MORC3: variants seen among roughly 807,000 people sequenced by gnomAD.
MORC3 encodes MORC family CW-type zinc finger 3.
Under a neutral mutation model 109.1 loss-of-function variants are expected in MORC3, and 31 were observed. That is an observed-to-expected ratio of 0.28 (90% confidence interval 0.21 to 0.38). The LOEUF is 0.38. Ranked by LOEUF, MORC3 falls within the 10% of genes least tolerant of loss-of-function variation. MORC3 has a pLI of 1.00. For synonymous variants in MORC3, 395 were observed against 380.7 expected (o/e 1.04, Z -0.44); for missense variants, 867 against 1,135.8 (o/e 0.76, Z 3.40).
chr21:36,359,033 A>G (rs1207132277), intron 10 of MORC3, among the ~76,000 whole-genome samples: 1 of 152,136 alleles, frequency 6.6e-6, no homozygotes, highest in African/African-American at 2.4e-5. Flanking sequence ...AAGTATACTA[A>G]TTTTAGTTAT....
At chr21:36,329,544 C>G (rs1646898774) in intron 1 of MORC3, among the ~76,000 whole-genome samples, 1 of 152,154 alleles carries the variant, frequency 6.6e-6, no homozygotes, top group Admixed American at 6.5e-5. Context: ...TGACTAATTT[C>G]TCCTTGTTTG....
At chr21:36,362,292 C>T (rs2085727616) in intron 13 of MORC3, 64 bp downstream of exon 13, 1 of 1,530,060 alleles carries the variant, frequency 6.5e-7, no homozygotes, top group Non-Finnish European at 8.8e-7. Context: ...CCCGTAATCC[C>T]AGCATTTTGG....
chr21:36,365,035 G>A (rs1396845164), intron 14 of MORC3, among the ~76,000 whole-genome samples: 1 of 134,170 alleles, frequency 7.5e-6, no homozygotes, highest in Admixed American at 8.3e-5. Context: ...CTGGGTGACA[G>A]AGCGAGACTC....
chr21:36,341,358 T>C (rs2085443480), intron 5 of MORC3, 41 bp from the exon 6 acceptor site: 1 of 1,562,454 alleles, frequency 6.4e-7, no homozygotes, highest in South Asian at 1.2e-5. Flanking sequence ...TATCTTGCTG[T>C]GAAGTTAAAT....
At chr21:36,354,548 C>A (rs2085623532) in intron 9 of MORC3, among the ~76,000 whole-genome samples, 1 of 152,050 alleles carries the variant, frequency 6.6e-6, no homozygotes, top group African/African-American at 2.4e-5. Context: ...TGTGATCCGC[C>A]CGCCTCTGTC....
chr21:36,370,635 ATATATTTTTTTTTTTTTTTTTT>A (rs1220457964), intron 15 of MORC3, among the ~76,000 whole-genome samples: 9 of 42,006 alleles, frequency 2.1e-4, no homozygotes, highest in African/African-American at 7.2e-4. Context: ...ATATATATAT[ATATATTTTTTTTTTTTTTTTTT>A]TTTTTTTTTT....
intron 12 of MORC3, chr21:36,361,976 T>C (rs2085722249): frequency 3.2e-6 from 2 of 618,338 alleles, no homozygotes; most frequent in Admixed American, 6.0e-5. Flanking sequence ...AGATCTGCAG[T>C]TTATACCGGT....
chr21:36,371,706 A>G (rs1159807800), intron 15 of MORC3, among the ~76,000 whole-genome samples: 1 of 152,110 alleles, frequency 6.6e-6, no homozygotes, highest in Non-Finnish European at 1.5e-5. Context: ...GCATAAACTC[A>G]TTATTGTAAC....
chr21:36,368,738 G>A (rs1049535820), intron 14 of MORC3, among the ~76,000 whole-genome samples: 5 of 152,130 alleles, frequency 3.3e-5, no homozygotes, highest in African/African-American at 9.7e-5. Context: ...TTAGCTGGAC[G>A]TGGTGGCGGG....
chr21:36,343,477 CTCACT>C (rs1304880410), intron 6 of MORC3, among the ~76,000 whole-genome samples: 23 of 136,412 alleles, frequency 1.7e-4, no homozygotes, highest in Admixed American at 1.3e-3. Flanking sequence ...GAGACAGAGT[CTCACT>C]CTGTTGCCTA....
Position 36,334,430 on chromosome 21 carries a change from T to G in MORC3, c.112+712T>G, listed in dbSNP as rs953460209. Among the ~76,000 whole-genome samples the G allele has an allele frequency of 2.6e-5, 4 of 152,192 alleles. No individual in the cohort carries two copies. In the East Asian group the frequency reaches 7.7e-4, roughly 29 times the overall value. On this transcript the variant is annotated intron_variant, in intron 2 of 16. Coordinates refer to ENST00000400485, the MANE Select transcript of MORC3 (RefSeq NM_015358.3). ...AGTGTTTATATTGAAAATATTTTTA[T>G]TTTTATTATAAAAGTAAACAGTGAG... is the stretch of plus-strand genomic sequence containing the variant.
chr21:36,370,324 A>G (rs1025814473), intron 15 of MORC3, among the ~76,000 whole-genome samples: 1 of 152,222 alleles, frequency 6.6e-6, no homozygotes, highest in Non-Finnish European at 1.5e-5. Flanking sequence ...CTGGAGGCAT[A>G]TGGAATTGTG....
chr21:36,341,354 G>A, intron 5 of MORC3, 45 bp from the exon 6 acceptor site: 1 of 1,543,414 alleles, frequency 6.5e-7, no homozygotes, highest in Non-Finnish European at 8.8e-7. Flanking sequence ...GGCTTATCTT[G>A]CTGTGAAGTT....
intron 15 of MORC3, among the ~76,000 whole-genome samples, chr21:36,370,628 TA>T: frequency 5.4e-5 from 1 of 18,500 alleles, no homozygotes; most frequent in Non-Finnish European, 9.8e-5. Context: ...TATATATATA[TA>T]TATATATATA....
chr21:36,333,959 AT>A (rs974637188), intron 2 of MORC3, among the ~76,000 whole-genome samples: 4 of 148,308 alleles, frequency 2.7e-5, no homozygotes, highest in Admixed American at 6.7e-5. Context: ...ATTTTTTTGT[AT>A]TTTTTTTTAG....
intron 2 of MORC3, among the ~76,000 whole-genome samples, chr21:36,336,341 C>T (rs761527162): frequency 8.5e-5 from 13 of 152,122 alleles, no homozygotes; most frequent in Admixed American, 2.6e-4. Flanking sequence ...CTCCCAGGCT[C>T]GAGCGATTCT....
At chr21:36,327,612 A>G (rs2146287281) in intron 1 of MORC3, among the ~76,000 whole-genome samples, 1 of 151,490 alleles carries the variant, frequency 6.6e-6, no homozygotes, top group Non-Finnish European at 1.5e-5. Flanking sequence ...GTTAAAAACA[A>G]TAGATAAATA....
intron 1 of MORC3, among the ~76,000 whole-genome samples, chr21:36,325,001 G>A (rs1036873825): frequency 6.6e-6 from 1 of 152,096 alleles, no homozygotes; most frequent in African/African-American, 2.4e-5. Flanking sequence ...GAGCCACCGC[G>A]CCTGGCAGCC....
chr21:36,328,602 A>G (rs1400560243), intron 1 of MORC3, among the ~76,000 whole-genome samples: 3 of 152,052 alleles, frequency 2.0e-5, no homozygotes, highest in Non-Finnish European at 4.4e-5. Flanking sequence ...CGGCTTCCCA[A>G]AGTGGTGGGA....
Sources: allele counts gnomAD v4.1 joint callset (sites outside exome capture counted in the v4.1 genomes callset), GRCh38; gene constraint gnomAD v4.1.1; transcripts MANE v1.5; gene names NCBI Gene and HGNC (gene_info 2026-07-23, HGNC 2026-07-21).